FARS2: variants seen among roughly 807,000 people sequenced by gnomAD.
FARS2 encodes the protein phenylalanyl-tRNA synthetase 2, mitochondrial, also known as phenylalanine--tRNA ligase, mitochondrial.
A neutral mutation model predicts 46.4 loss-of-function variants in FARS2; 40 were observed. The ratio of observed to expected loss-of-function variants is 0.86; its 90% CI spans 0.67 to 1.12. The LOEUF (loss-of-function observed/expected upper bound fraction) is 1.12. Among genes scored for constraint, FARS2 ranks in the 50% most tolerant of loss-of-function variants. The probability of loss-of-function intolerance (pLI) is 0.00; values close to 1 mark genes in which losing one functional copy is unlikely to be tolerated. For missense variants in FARS2, 513 were observed against 567.9 expected, an observed-to-expected ratio of 0.90 and a Z score of 0.98; for synonymous variants, 234 against 214.9, an observed-to-expected ratio of 1.09 and a Z score of -0.78.
intron 3 of FARS2, among the ~76,000 whole-genome samples, chr6:5,417,335 G>T (rs561119718): frequency 1.3e-5 from 2 of 152,122 alleles, no homozygotes; most frequent in African/African-American, 4.8e-5. Context: ...TTTTACTTCA[G>T]CCTCCTGAGG....
At position 5,748,655 on chromosome 6, in the gene FARS2, C is replaced by G. The variant is rs76495295; in HGVS notation, c.1218-22636C>G. 4.6e-5 allele frequency among the ~76,000 whole-genome samples: 7 copies of G among 152,326 alleles called. No homozygotes were observed. In the East Asian group the frequency reaches 1.4e-3, roughly 29 times the overall value. On this transcript the variant is annotated intron_variant, in intron 6 of 6. Transcript: ENST00000274680. ...TGGGGCCGAGAGAGGCTGAGTAACTCGTTCAAAGACACACTACTAGTCAGT... is the reference window on the plus strand; with the variant it reads ...TGGGGCCGAGAGAGGCTGAGTAACTGGTTCAAAGACACACTACTAGTCAGT...
chr6:5,446,561 G>A (rs1043968340), intron 4 of FARS2, among the ~76,000 whole-genome samples: 6 of 152,064 alleles, frequency 3.9e-5, no homozygotes, highest in Non-Finnish European at 5.9e-5. Flanking sequence ...GAGGCTGATG[G>A]GTAAACTGCT....
In FARS2 at chr6:5,371,703, G is replaced by T. The variant is rs1241570909; in HGVS notation, c.612+2521G>T. 2.6e-5 allele frequency among the ~76,000 whole-genome samples: 4 copies of T among 152,192 alleles called. No individual in the cohort carries two copies. In the East Asian group the frequency reaches 5.8e-4, roughly 22 times the overall value. On this transcript the variant is annotated intron_variant, in intron 2 of 6. Coordinates refer to ENST00000274680, the MANE Select transcript of FARS2 (RefSeq NM_006567.5). ...GACTTTGTTGGAAAAAAATTAGATT[G>T]CAGTACAATGTATACATTGCAAACA...
intron 4 of FARS2, among the ~76,000 whole-genome samples, chr6:5,541,170 A>T (rs1770607773): frequency 6.6e-6 from 1 of 152,190 alleles, no homozygotes; most frequent in Non-Finnish European, 1.5e-5. Flanking sequence ...ATTACACCTC[A>T]AAGTGTGGTG....
chr6:5,677,940 A>G (rs546650026), intron 6 of FARS2, among the ~76,000 whole-genome samples: 5 of 152,202 alleles, frequency 3.3e-5, no homozygotes, highest in Non-Finnish European at 7.3e-5. Context: ...GGCAACAATG[A>G]AAGTATGGAT....
chr6:5,333,306 A>G (rs1770928289), intron 1 of FARS2, among the ~76,000 whole-genome samples: 1 of 152,144 alleles, frequency 6.6e-6, no homozygotes, highest in Admixed American at 6.5e-5. Flanking sequence ...AGCCTTGATG[A>G]CCATTTTGCA....
At chr6:5,601,139 G>C (rs369361837) in intron 5 of FARS2, among the ~76,000 whole-genome samples, 1 of 152,144 alleles carries the variant, frequency 6.6e-6, no homozygotes, top group Admixed American at 6.5e-5. Context: ...CCAGAACAGT[G>C]AGAAGTAAAT....
At chr6:5,502,112 G>A (rs1374721969) in intron 4 of FARS2, among the ~76,000 whole-genome samples, 1 of 152,214 alleles carries the variant, frequency 6.6e-6, no homozygotes, top group Admixed American at 6.5e-5. Context: ...TGGTGTGGGA[G>A]TAGTATTTGA....
intron 1 of FARS2, among the ~76,000 whole-genome samples, chr6:5,367,114 A>G (rs1424811450): frequency 6.6e-6 from 1 of 152,266 alleles, no homozygotes. Flanking sequence ...AAGCACAGCC[A>G]TTCAACTTGC....
intron 6 of FARS2, among the ~76,000 whole-genome samples, chr6:5,754,024 A>G (rs1582884141): frequency 6.6e-6 from 1 of 152,240 alleles, no homozygotes; most frequent in East Asian, 1.9e-4. Context: ...TTATTAATCT[A>G]AATAAATATG....
chr6:5,265,896 G>A (rs1396570991), intron 1 of FARS2, among the ~76,000 whole-genome samples: 5 of 152,174 alleles, frequency 3.3e-5, no homozygotes, highest in African/African-American at 1.2e-4. Context: ...ACCAACAGCA[G>A]TGCTAAGGCC....
chr6:5,515,917 C>G (rs1401658206), intron 4 of FARS2, among the ~76,000 whole-genome samples: 1 of 152,194 alleles, frequency 6.6e-6, no homozygotes, highest in African/African-American at 2.4e-5. Flanking sequence ...TGTTACAGTA[C>G]TCAACTTCAA....
chr6:5,686,378 G>A (rs989478512), intron 6 of FARS2, among the ~76,000 whole-genome samples: 4 of 150,780 alleles, frequency 2.7e-5, no homozygotes, highest in Non-Finnish European at 5.9e-5. Flanking sequence ...ACAGGCCCCA[G>A]TGTGTGATGT....
intron 6 of FARS2, among the ~76,000 whole-genome samples, chr6:5,720,590 G>A (rs1759824805): frequency 1.3e-5 from 2 of 152,132 alleles, no homozygotes; most frequent in African/African-American, 4.8e-5. Flanking sequence ...TAGTTTTCTA[G>A]ATTGCCTTTA....
intron 5 of FARS2, chr6:5,609,711 C>T: frequency 1.4e-6 from 2 of 1,451,254 alleles, no homozygotes; most frequent in Non-Finnish European, 1.9e-6. Context: ...ACAGTCTTAT[C>T]CACGGAGTCA....
At chr6:5,261,983 A>G (rs972211223) in intron 1 of FARS2, among the ~76,000 whole-genome samples, 3 of 152,202 alleles carry the variant, frequency 2.0e-5, no homozygotes, top group African/African-American at 7.2e-5. Context: ...ATCTTTGAGC[A>G]TGGCACTGGA....
At chr6:5,706,991 A>T (rs1758801421) in intron 6 of FARS2, among the ~76,000 whole-genome samples, 1 of 152,128 alleles carries the variant, frequency 6.6e-6, no homozygotes, top group African/African-American at 2.4e-5. Flanking sequence ...TGATGAACCA[A>T]AATGTTTTGT....
intron 6 of FARS2, among the ~76,000 whole-genome samples, chr6:5,706,718 C>T (rs1758787134): frequency 6.6e-6 from 1 of 152,218 alleles, no homozygotes; most frequent in Admixed American, 6.5e-5. Context: ...TGTTGTTGCT[C>T]CTTGTGTATG....
chr6:5,546,579 C>T (rs1290937970), intron 5 of FARS2, among the ~76,000 whole-genome samples: 3 of 151,860 alleles, frequency 2.0e-5, no homozygotes, highest in Non-Finnish European at 4.4e-5. Context: ...AACAATTCTA[C>T]TCCATTCATT....
Sources: allele counts gnomAD v4.1 joint callset (sites outside exome capture counted in the v4.1 genomes callset), GRCh38; gene constraint gnomAD v4.1.1; transcripts MANE v1.5; gene names NCBI Gene and HGNC (gene_info 2026-07-23, HGNC 2026-07-21).